Variants in SCARA5 observed in about 807,000 individuals in gnomAD.
The protein encoded by SCARA5 is scavenger receptor class A, member 5 (putative).
A neutral mutation model predicts 46.3 loss-of-function variants in SCARA5; 45 were observed. The ratio of observed to expected loss-of-function variants is 0.97; its 90% CI spans 0.76 to 1.24. The LOEUF (loss-of-function observed/expected upper bound fraction) is 1.24, where lower values mean the gene tolerates loss of function less well. SCARA5 is among the 50% of genes most tolerant of loss of function. The probability of loss-of-function intolerance (pLI) is 0.00; values close to 1 mark genes in which losing one functional copy is unlikely to be tolerated. For missense variants in SCARA5, 680 were observed against 689.0 expected (o/e 0.99, Z 0.15); for synonymous variants, 333 against 306.5 (o/e 1.09, Z -0.90).
intron 8 of SCARA5, among the ~76,000 whole-genome samples, 174 bp from the exon 9 acceptor site, chr8:27,872,244 T>G (rs1377335017): frequency 6.6e-6 from 1 of 152,168 alleles, no homozygotes; most frequent in Non-Finnish European, 1.5e-5. Flanking sequence ...CTGGGATTAG[T>G]TTCTTGAGGG....
chr8:27,987,821 G>A (rs939355263), intron 1 of SCARA5, among the ~76,000 whole-genome samples, 191 bp from the exon 2 acceptor site: 2 of 152,152 alleles, frequency 1.3e-5, no homozygotes, highest in Non-Finnish European at 2.9e-5. Context: ...GGGCCGTGAT[G>A]CCCCCACTCC....
At chr8:27,880,886 A>T (rs915470692) in intron 7 of SCARA5, among the ~76,000 whole-genome samples, 8 of 147,048 alleles carry the variant, frequency 5.4e-5, no homozygotes, top group Non-Finnish European at 1.1e-4. Flanking sequence ...AGTGGGCAGG[A>T]GACATGAACA....
chr8:27,958,681 A>C (rs1808243104), intron 3 of SCARA5, among the ~76,000 whole-genome samples: 4 of 152,260 alleles, frequency 2.6e-5, no homozygotes, highest in Admixed American at 2.6e-4. Flanking sequence ...CAGATCCAGC[A>C]GACTGCAATA....
At chr8:27,951,104 C>G (rs1808119618) in intron 3 of SCARA5, among the ~76,000 whole-genome samples, 1 of 152,176 alleles carries the variant, frequency 6.6e-6, no homozygotes, top group Non-Finnish European at 1.5e-5. Context: ...GAAATTTGCC[C>G]AAACTCATGG....
At chr8:27,975,961 G>A (rs528889261) in intron 2 of SCARA5, among the ~76,000 whole-genome samples, 156 of 152,334 alleles carry the variant, frequency 1.0e-3, no homozygotes, top group African/African-American at 3.7e-3. Context: ...TACTTTCAGA[G>A]ATCTCTCCAT....
At chr8:27,903,102 G>C (rs756341571) in intron 7 of SCARA5, 1 of 152,238 alleles carries the variant, frequency 6.6e-6, no homozygotes, top group African/African-American at 2.4e-5. Context: ...GTGTCAGGGG[G>C]CCTTGGGGAG....
At chr8:27,931,271 T>C (rs568215942) in intron 3 of SCARA5, among the ~76,000 whole-genome samples, 1 of 152,294 alleles carries the variant, frequency 6.6e-6, no homozygotes, top group East Asian at 1.9e-4. Context: ...GGGGGTTTAA[T>C]TCTCTGCTGT....
chr8:27,918,208 G>T (rs1157382029), intron 4 of SCARA5, among the ~76,000 whole-genome samples: 1 of 152,164 alleles, frequency 6.6e-6, no homozygotes, highest in Non-Finnish European at 1.5e-5. Context: ...ATCATTACCA[G>T]CCATGAGGCC....
At chr8:27,920,193 T>A (rs1456980010) in intron 4 of SCARA5, among the ~76,000 whole-genome samples, 4 of 152,100 alleles carry the variant, frequency 2.6e-5, no homozygotes, top group African/African-American at 9.7e-5. Context: ...TAGTTAAGAT[T>A]ACAAATGGAC....
chr8:27,912,265 A>T (rs190947201), intron 4 of SCARA5, among the ~76,000 whole-genome samples: 25 of 152,372 alleles, frequency 1.6e-4, no homozygotes. Flanking sequence ...TTAATAATAC[A>T]TACAAAACAA....
intron 3 of SCARA5, among the ~76,000 whole-genome samples, chr8:27,953,413 G>A (rs1167728893): frequency 6.6e-6 from 1 of 152,234 alleles, no homozygotes; most frequent in African/African-American, 2.4e-5. Context: ...AGCCCCTCAG[G>A]TAGAGAGCTG....
chr8:27,961,009 A>G (rs1295539696), intron 3 of SCARA5, among the ~76,000 whole-genome samples: 1 of 152,212 alleles, frequency 6.6e-6, no homozygotes, highest in Non-Finnish European at 1.5e-5. Flanking sequence ...CAGCAAAGTG[A>G]TGTTCCCAAG....
At chr8:27,937,513 G>A (rs1807876881) in intron 3 of SCARA5, among the ~76,000 whole-genome samples, 1 of 152,106 alleles carries the variant, frequency 6.6e-6, no homozygotes, top group Non-Finnish European at 1.5e-5. Flanking sequence ...CCTCCTTCCT[G>A]ATTTCACTCT....
chr8:27,967,848 G>A (rs574416081), intron 2 of SCARA5, among the ~76,000 whole-genome samples: 2 of 152,180 alleles, frequency 1.3e-5, no homozygotes, highest in South Asian at 4.1e-4. Context: ...AGGAAGCAGA[G>A]GTTGCAGTGA....
rs17058298 is a variant in SCARA5 at position 27,934,733 on chromosome 8, C to T, written c.242-12488G>A. Reference sequence around the variant, plus strand: ...TTCCAGAGTGGAGCAGTGGCATGAACCCCTGGAGCAGGGGGCAGGAGGCAT... The same window carrying T: ...TTCCAGAGTGGAGCAGTGGCATGAATCCCTGGAGCAGGGGGCAGGAGGCAT... On this transcript the variant is annotated intron_variant, in intron 3 of 8. Coordinates refer to ENST00000354914, the MANE Select transcript of SCARA5 (RefSeq NM_173833.6). 5.3e-3 allele frequency among the ~76,000 whole-genome samples: 811 copies of T among 152,348 alleles called. 9 individuals are homozygous for T. The highest frequency in any genetic ancestry group is 0.019 in the African/African-American group (785 of 41,584).
chr8:27,972,770 G>A (rs190561457), intron 2 of SCARA5, among the ~76,000 whole-genome samples: 52 of 152,142 alleles, frequency 3.4e-4, no homozygotes, highest in African/African-American at 9.2e-4. Context: ...AGACTGAGGC[G>A]GGAGGATCAC....
At position 27,905,523 on chromosome 8, in the gene SCARA5, T is replaced by TGGCGGCGGG. The variant is rs751627046; in HGVS notation, c.1097-690_1097-689insCCCGCCGCC. 3.2e-4 allele frequency among the ~76,000 whole-genome samples: 17 copies of TGGCGGCGGG among 53,694 alleles called. 2 individuals are homozygous for TGGCGGCGGG. The highest frequency in any genetic ancestry group is 5.1e-4 in the Non-Finnish European group (10 of 19,482). The allele number at this position is 53,694 out of a possible 152,430, so 35.2% of individuals were successfully genotyped here. ...AGAATGCCCAGGATGATCCAAGATT[T>TGGCGGCGGG]GGGGGGGGGAAAAAAAAAAGGCAGC... On this transcript the variant is annotated intron_variant, in intron 6 of 8. Transcript: ENST00000354914.
At chr8:27,972,432 G>T (rs1283811796) in intron 2 of SCARA5, among the ~76,000 whole-genome samples, 1 of 152,218 alleles carries the variant, frequency 6.6e-6, no homozygotes, top group Non-Finnish European at 1.5e-5. Context: ...TATGCTGTAT[G>T]TAGCCACATC....
chr8:27,952,218 A>G (rs1376822549), intron 3 of SCARA5, among the ~76,000 whole-genome samples: 1 of 152,186 alleles, frequency 6.6e-6, no homozygotes, highest in Non-Finnish European at 1.5e-5. Flanking sequence ...GAAGAGGTAA[A>G]GAAGGATCCT....
Sources: allele counts gnomAD v4.1 joint callset (sites outside exome capture counted in the v4.1 genomes callset), GRCh38; gene constraint gnomAD v4.1.1; transcripts MANE v1.5; gene names NCBI Gene and HGNC (gene_info 2026-07-23, HGNC 2026-07-21).